Variants in ARSB observed in about 807,000 individuals in gnomAD.
ARSB encodes the protein N-acetylgalactosamine-4-sulfatase.
Under a neutral mutation model 50.9 loss-of-function variants are expected in ARSB, and 41 were observed. The ratio of observed to expected loss-of-function variants is 0.81; its 90% CI spans 0.63 to 1.04. The LOEUF (loss-of-function observed/expected upper bound fraction) is 1.04. Ranked by LOEUF, ARSB falls within the 50% of genes least tolerant of loss-of-function variation. The pLI is 0.00. For missense variants in ARSB, 672 were observed against 693.3 expected (o/e 0.97, Z 0.35); for synonymous variants, 269 against 284.8 (o/e 0.94, Z 0.56).
At chr5:78,958,194 C>T (rs772854478) in intron 3 of ARSB, among the ~76,000 whole-genome samples, 1 of 152,050 alleles carries the variant, frequency 6.6e-6, no homozygotes, top group African/African-American at 2.4e-5. Context: ...CTTGCAAACA[C>T]GAGATTTTGT....
At chr5:78,784,663 CTTTTG>C (rs1042377637) in intron 6 of ARSB, among the ~76,000 whole-genome samples, 2 of 152,008 alleles carry the variant, frequency 1.3e-5, no homozygotes, top group South Asian at 2.1e-4. Flanking sequence ...TACATGTGAA[CTTTTG>C]TTTTGTATTA....
chr5:78,798,141 G>C (rs936362173), intron 6 of ARSB, among the ~76,000 whole-genome samples: 1 of 152,104 alleles, frequency 6.6e-6, no homozygotes, highest in South Asian at 2.1e-4. Context: ...ATGAACTTGC[G>C]GATCTGATGA....
In ARSB at chr5:78,780,337, C is replaced by T. The variant is rs2173012; in HGVS notation, c.*60G>A. On this transcript the variant is annotated 3_prime_UTR_variant, in exon 8 of 8. Coordinates refer to ENST00000264914, the MANE Select transcript of ARSB (RefSeq NM_000046.5). ...TTGGGATAACAAATGAGACAAGAGTCGTGAGAAAAGGCCTGAGGTCCAACT... is the reference window on the plus strand; with the variant it reads ...TTGGGATAACAAATGAGACAAGAGTTGTGAGAAAAGGCCTGAGGTCCAACT... The T allele has an allele frequency of 0.048, 77,685 of 1,608,990 alleles. 2,056 individuals carry two copies. The highest frequency in any genetic ancestry group is 0.057 in the Middle Eastern group (269 of 4,712).
chr5:78,903,202 T>A (rs992385640), intron 4 of ARSB, among the ~76,000 whole-genome samples: 63 of 152,264 alleles, frequency 4.1e-4, no homozygotes, highest in African/African-American at 1.4e-3. Context: ...GGAGATCTCA[T>A]TGCAAGTAAG....
At chr5:78,810,610 G>A (rs928171904) in intron 6 of ARSB, among the ~76,000 whole-genome samples, 2 of 152,170 alleles carry the variant, frequency 1.3e-5, no homozygotes, top group African/African-American at 2.4e-5. Context: ...GCAAAGCTGC[G>A]CCTTTAACCA....
intron 5 of ARSB, among the ~76,000 whole-genome samples, chr5:78,868,221 A>G (rs1198177714): frequency 7.2e-6 from 1 of 139,412 alleles, no homozygotes; most frequent in African/African-American, 2.8e-5. Flanking sequence ...GAATGGAACC[A>G]AGTTGGCAAA....
intron 5 of ARSB, among the ~76,000 whole-genome samples, chr5:78,844,714 G>A (rs773842483): frequency 1.3e-5 from 2 of 151,936 alleles, no homozygotes; most frequent in African/African-American, 2.4e-5. Flanking sequence ...TATGCTGTGA[G>A]GTAGAGATCC....
At chr5:78,825,400 C>G (rs1367174020) in intron 6 of ARSB, among the ~76,000 whole-genome samples, 1 of 152,038 alleles carries the variant, frequency 6.6e-6, no homozygotes, top group Non-Finnish European at 1.5e-5. Flanking sequence ...GTAAATGCTG[C>G]TGTTTATAAT....
At chr5:78,964,042 T>C (rs1249227737) in intron 3 of ARSB, among the ~76,000 whole-genome samples, 5 of 152,208 alleles carry the variant, frequency 3.3e-5, no homozygotes, top group African/African-American at 1.2e-4. Context: ...AGTCATTTTA[T>C]TAATTACTCA....
At chr5:78,918,291 T>G (rs1436563190) in intron 4 of ARSB, among the ~76,000 whole-genome samples, 1 of 152,240 alleles carries the variant, frequency 6.6e-6, no homozygotes, top group African/African-American at 2.4e-5. Context: ...GTTTTTTTAT[T>G]AAGTTATTTT....
chr5:78,904,543 C>T (rs1748951968), intron 4 of ARSB, among the ~76,000 whole-genome samples: 1 of 151,986 alleles, frequency 6.6e-6, no homozygotes, highest in African/African-American at 2.4e-5. Context: ...ATTTTTTCTA[C>T]ACTAATATTT....
chr5:78,823,036 T>C (rs1262878679), intron 6 of ARSB, among the ~76,000 whole-genome samples: 2 of 152,262 alleles, frequency 1.3e-5, no homozygotes. Context: ...TTGCATATAA[T>C]GTTTTGTTTC....
At chr5:78,798,732 G>A (rs879429890) in intron 6 of ARSB, among the ~76,000 whole-genome samples, 1 of 152,206 alleles carries the variant, frequency 6.6e-6, no homozygotes, top group Non-Finnish European at 1.5e-5. Flanking sequence ...ATGGCTGTCA[G>A]GTGGGCCTGC....
At chr5:78,841,231 G>A (rs1745203007) in intron 5 of ARSB, among the ~76,000 whole-genome samples, 1 of 151,462 alleles carries the variant, frequency 6.6e-6, no homozygotes, top group Non-Finnish European at 1.5e-5. Flanking sequence ...ACAGGAGGCT[G>A]AGGCAAGAGG....
intron 6 of ARSB, among the ~76,000 whole-genome samples, chr5:78,814,709 C>T (rs6453417): frequency 0.57 from 86,111 of 150,266 alleles, 26,633 homozygotes; most frequent in African/African-American, 0.71. Flanking sequence ...CTCAGTTATA[C>T]GGTCTTACAG....
chr5:78,966,351 C>T (rs1561531374), intron 2 of ARSB, among the ~76,000 whole-genome samples: 1 of 152,142 alleles, frequency 6.6e-6, no homozygotes, highest in Non-Finnish European at 1.5e-5. Flanking sequence ...GCAGCCTATG[C>T]TTTTGGGGGA....
At chr5:78,818,989 C>T (rs1349481074) in intron 6 of ARSB, among the ~76,000 whole-genome samples, 1 of 152,214 alleles carries the variant, frequency 6.6e-6, no homozygotes, top group Non-Finnish European at 1.5e-5. Flanking sequence ...TTACACTTCC[C>T]TGGGGCCTGC....
At chr5:78,811,712 G>T (rs1460848420) in intron 6 of ARSB, among the ~76,000 whole-genome samples, 1 of 152,190 alleles carries the variant, frequency 6.6e-6, no homozygotes, top group Non-Finnish European at 1.5e-5. Context: ...AAGCAAAACA[G>T]ATGTGTGAGA....
At chr5:78,810,008 A>T (rs1743746902) in intron 6 of ARSB, among the ~76,000 whole-genome samples, 1 of 151,930 alleles carries the variant, frequency 6.6e-6, no homozygotes, top group East Asian at 1.9e-4. Context: ...ACCCCACTAG[A>T]CCCCTTGATC....
Sources: allele counts gnomAD v4.1 joint callset (sites outside exome capture counted in the v4.1 genomes callset), GRCh38; gene constraint gnomAD v4.1.1; transcripts MANE v1.5; gene names NCBI Gene and HGNC (gene_info 2026-07-23, HGNC 2026-07-21).